The following SYNE1 variants were observed in gnomAD, a reference collection of about 807,000 sequenced individuals.
SYNE1 encodes the protein nesprin-1.
A neutral mutation model predicts 1,111.0 loss-of-function variants in SYNE1; 616 were observed. The ratio of observed to expected loss-of-function variants is 0.55; its 90% confidence interval spans 0.52 to 0.59. The LOEUF (loss-of-function observed/expected upper bound fraction) is 0.59. SYNE1 is among the 20% of genes least tolerant of loss of function. The pLI, the probability that SYNE1 is intolerant of heterozygous loss-of-function variation, is 0.00. For missense variants in SYNE1, 10,006 were observed against 10,417.0 expected (o/e 0.96, Z 1.72); for synonymous variants, 3,855 against 3,825.8 (o/e 1.01, Z -0.28).
intron 3 of SYNE1, among the ~76,000 whole-genome samples, chr6:152,557,855 C>A (rs548948284): frequency 6.6e-6 from 1 of 150,876 alleles, no homozygotes; most frequent in East Asian, 2.0e-4. Context: ...AGCTAATTAA[C>A]AAAATGAAAA....
chr6:152,469,456 T>C (rs186762093), intron 16 of SYNE1, among the ~76,000 whole-genome samples: 11 of 152,218 alleles, frequency 7.2e-5, no homozygotes, highest in African/African-American at 2.4e-4. Context: ...GGCTGGTATC[T>C]GCACTTCATC....
chr6:152,482,615 A>G (rs771032421), intron 14 of SYNE1, among the ~76,000 whole-genome samples: 1 of 152,114 alleles, frequency 6.6e-6, no homozygotes, highest in Non-Finnish European at 1.5e-5. Context: ...AACATCCCAA[A>G]TGACTAAGAG....
At chr6:152,505,889 T>A (rs2099055647) in intron 8 of SYNE1, among the ~76,000 whole-genome samples, 1 of 152,234 alleles carries the variant, frequency 6.6e-6, no homozygotes, top group Admixed American at 6.5e-5. Context: ...ACACAGGTTA[T>A]CACAGACTAA....
chr6:152,349,041 CATAT>C (rs1196473543), intron 72 of SYNE1, among the ~76,000 whole-genome samples: 1 of 152,176 alleles, frequency 6.6e-6, no homozygotes, highest in African/African-American at 2.4e-5. Context: ...CTTTTTTATT[CATAT>C]TTGTTAAATA....
chr6:152,300,568 C>G, intron 93 of SYNE1, 73 bp downstream of exon 93: 1 of 1,604,240 alleles, frequency 6.2e-7, no homozygotes, highest in South Asian at 1.1e-5. Flanking sequence ...TACCCACGAT[C>G]TAATGGAAAC....
intron 76 of SYNE1, 131 bp from the exon 77 acceptor site, chr6:152,334,404 AT>A: frequency 1.9e-6 from 2 of 1,026,966 alleles, no homozygotes; most frequent in South Asian, 1.6e-5. Flanking sequence ...AGAATGTATA[AT>A]AAGTTATGGG....
At chr6:152,405,985 A>G (rs1316821434) in intron 45 of SYNE1, among the ~76,000 whole-genome samples, 1 of 151,758 alleles carries the variant, frequency 6.6e-6, no homozygotes, top group Non-Finnish European at 1.5e-5. Flanking sequence ...TTGATATTTT[A>G]TATATAATAT....
At chr6:152,205,826 A>T (rs2076401240) in intron 126 of SYNE1, among the ~76,000 whole-genome samples, 1 of 152,200 alleles carries the variant, frequency 6.6e-6, no homozygotes, top group South Asian at 2.1e-4. Flanking sequence ...AGAGTCTCAG[A>T]TTAGGGAGTG....
rs765122984 is a variant in SYNE1 at position 152,449,540 on chromosome 6, G to A, written c.3497C>T (p.Ala1166Val). 8.1e-6 allele frequency: 13 copies of A among 1,612,716 alleles called. No individual in the cohort carries two copies. The Admixed American group carries it at 1.3e-4, about 17-fold the overall frequency. The change falls in exon 28 of 146, where the codon GCC becomes GTC. Residue 1166 changes from alanine to valine, a missense_variant. By Grantham distance (64) the Ala-to-Val change is moderately conservative (BLOSUM62 0). Coordinates refer to ENST00000367255, the MANE Select transcript of SYNE1 (RefSeq NM_182961.4). ...DTANHGEVKR[A>V]VEEIRNGVTK... ...TAATGACCCTGAACTTACTTCAACG[G>A]CACGTTTAACCTCTCCGTGGTTGGC...
intron 33 of SYNE1, chr6:152,434,879 T>C (rs558239452): frequency 6.6e-6 from 1 of 152,268 alleles, no homozygotes; most frequent in South Asian, 2.1e-4. Flanking sequence ...CTCAAATTTA[T>C]ACCCTGAATG....
chr6:152,572,653 G>A (rs750857708), intron 3 of SYNE1, among the ~76,000 whole-genome samples: 10 of 152,136 alleles, frequency 6.6e-5, no homozygotes, highest in African/African-American at 1.4e-4. Flanking sequence ...GGAAAGATTC[G>A]TTCCAGAAAA....
chr6:152,326,750 T>G (rs1305108741), intron 78 of SYNE1, 117 bp from the exon 79 acceptor site: 10 of 934,530 alleles, frequency 1.1e-5, no homozygotes, highest in Admixed American at 4.1e-5. Context: ...TGTGTGTAAG[T>G]GCATTGATAA....
At position 152,236,883 on chromosome 6, in the gene SYNE1, G is replaced by T. The variant is rs767597860; in HGVS notation, c.20133C>A (p.Ser6711Arg). The change falls in exon 109 of 146, where the codon AGC becomes AGA. Residue 6711 changes from serine to arginine, a missense_variant. Physicochemically the swap from Ser to Arg is moderately radical, Grantham distance 110. This residue lies in a region of SYNE1 where 2,182 missense variants were observed against 2,287.8 expected (regional missense o/e 0.95). Transcript: ENST00000367255. ...CCTCCACCAGACCCACGCTTGGGAT[G>T]CTGCTTTCCACCACCTCCAGCTGTC... ...LSRQLEVVESSIPSVGLVEEN... is the reference protein window; with the variant it reads ...LSRQLEVVESRIPSVGLVEEN... 2 of 1,614,172 alleles carry T rather than the reference G, an allele frequency of 1.2e-6. No homozygotes were observed. Among genetic ancestry groups the T allele is most frequent in the Non-Finnish European group, 1.7e-6 (2 of 1,180,028 alleles).
At chr6:152,363,870 A>G (rs986007917) in intron 63 of SYNE1, 4 of 410,382 alleles carry the variant, frequency 9.7e-6, no homozygotes, top group African/African-American at 2.1e-5. Flanking sequence ...TGGGGCTCAC[A>G]CTGTATACCA....
chr6:152,633,446 G>T (rs976681082), intron 2 of SYNE1, among the ~76,000 whole-genome samples: 3 of 152,162 alleles, frequency 2.0e-5, no homozygotes, highest in Non-Finnish European at 4.4e-5. Context: ...CTTATGTGCC[G>T]GTAGAGGAAG....
At position 152,353,599 on chromosome 6, in the gene SYNE1, A is replaced by G. The variant is rs1590891141; in HGVS notation, c.11072T>C (p.Leu3691Pro). The G allele has an allele frequency of 1.9e-6, 3 of 1,614,178 alleles. No individual in the cohort carries two copies. The East Asian group carries it at 6.7e-5, about 36-fold the overall frequency. The change falls in exon 68 of 146, where the codon CTC becomes CCC. Residue 3691 changes from leucine (L) to proline (P), a missense_variant. Transcript: ENST00000367255. ...QLTSRYQALL[L>P]QVLEQIKFLE... ...TGGTGACCCACTCACCAGCACTTGGAGAAGCAGGGCCTGGTATCTGGAAGT... is the reference window on the plus strand; with the variant it reads ...TGGTGACCCACTCACCAGCACTTGGGGAAGCAGGGCCTGGTATCTGGAAGT...
intron 11 of SYNE1, among the ~76,000 whole-genome samples, chr6:152,491,169 A>G (rs2098968217): frequency 6.6e-6 from 1 of 150,986 alleles, no homozygotes; most frequent in South Asian, 2.1e-4. Context: ...GTGTCTGATC[A>G]CTGTGGGGAT....
chr6:152,149,951 A>G (rs2060126627), intron 135 of SYNE1, among the ~76,000 whole-genome samples: 1 of 152,174 alleles, frequency 6.6e-6, no homozygotes, highest in Non-Finnish European at 1.5e-5. Flanking sequence ...AGAGAATAAC[A>G]GGGGAAAATA....
chr6:152,188,957 CAAAAAAAAAAAAA>C (rs1159424311), intron 128 of SYNE1, among the ~76,000 whole-genome samples: 5 of 49,084 alleles, frequency 1.0e-4, no homozygotes, highest in East Asian at 1.9e-3. Context: ...GACTCTGTCT[CAAAAAAAAAAAAA>C]AAAAAAAAAA....
Sources: allele counts gnomAD v4.1 joint callset (sites outside exome capture counted in the v4.1 genomes callset), GRCh38; gene constraint gnomAD v4.1.1; regional missense constraint gnomAD v4.1.1; transcripts MANE v1.5; gene names NCBI Gene and HGNC (gene_info 2026-07-23, HGNC 2026-07-21).